FAM133B: variants seen among roughly 807,000 people sequenced by gnomAD.
FAM133B encodes the protein family with sequence similarity 133 member B, also known as protein FAM133B.
In FAM133B, 25 loss-of-function variants were observed where a neutral mutation model predicts 46.4. The observed-to-expected ratio is 0.54, with a 90% CI of 0.39 to 0.75. The LOEUF is 0.75. Among genes scored for constraint, FAM133B ranks in the 30% least tolerant of loss-of-function variants. The pLI, the probability that FAM133B is intolerant of heterozygous loss-of-function variation, is 0.00. For missense variants in FAM133B, 205 were observed against 277.6 expected, an observed-to-expected ratio of 0.74 and a Z score of 1.86; for synonymous variants, 75 against 86.0, an observed-to-expected ratio of 0.87 and a Z score of 0.71.
chr7:92,588,653 G>A (rs1795101969), intron 1 of FAM133B, among the ~76,000 whole-genome samples: 1 of 152,168 alleles, frequency 6.6e-6, no homozygotes, highest in Non-Finnish European at 1.5e-5. Flanking sequence ...CAAATCTCAT[G>A]TCGAATTGTA....
intron 7 of FAM133B, 21 bp downstream of exon 7, chr7:92,577,082 T>C: frequency 1.5e-6 from 2 of 1,355,902 alleles, no homozygotes; most frequent in South Asian, 1.6e-5. Context: ...ATCCAATATA[T>C]TAATAATTTA....
intron 8 of FAM133B, 142 bp from the exon 9 acceptor site, chr7:92,570,057 G>C (rs1049391026): frequency 2.5e-6 from 1 of 399,388 alleles, no homozygotes; most frequent in Non-Finnish European, 4.5e-6. Context: ...ACATTTACCA[G>C]GATTTAAGTC....
In FAM133B at chr7:92,590,321, C is replaced by T. The variant is rs1404968997; in HGVS notation, c.-30G>A. On this transcript the variant is annotated 5_prime_UTR_variant, in exon 1 of 11. Coordinates refer to ENST00000445716, the MANE Select transcript of FAM133B (RefSeq NM_152789.4). ...CTGGATCGAGCGCACAGTAGCACGC[C>T]GAGGGAAACCGGGCCGGAGAGACTG... is the stretch of plus-strand genomic sequence containing the variant. 1 of 1,613,452 alleles carries T rather than the reference C, an allele frequency of 6.2e-7. No individual in the cohort carries two copies.
intron 3 of FAM133B, chr7:92,579,074 CATAACA>C: frequency 2.5e-6 from 1 of 396,556 alleles, no homozygotes. Context: ...TTGTATTCAC[CATAACA>C]ATAACACTTC....
intron 1 of FAM133B, among the ~76,000 whole-genome samples, chr7:92,583,947 G>A (rs1365882611): frequency 6.6e-6 from 1 of 150,774 alleles, no homozygotes; most frequent in Non-Finnish European, 1.5e-5. Flanking sequence ...CTACTCAGGA[G>A]GCTGAGGCAG....
chr7:92,566,122 T>C (rs1460669433), intron 9 of FAM133B, 61 bp from the exon 10 acceptor site: 1 of 1,514,100 alleles, frequency 6.6e-7, no homozygotes, highest in Non-Finnish European at 9.1e-7. Flanking sequence ...ACTCAAGGCA[T>C]TTTTCTTTCA....
At chr7:92,576,020 T>C (rs1337954678) in intron 7 of FAM133B, among the ~76,000 whole-genome samples, 199 bp from the exon 8 acceptor site, 1 of 152,242 alleles carries the variant, frequency 6.6e-6, no homozygotes. Context: ...TTTATCTGGC[T>C]GTATACCAAA....
intron 9 of FAM133B, among the ~76,000 whole-genome samples, chr7:92,568,285 G>T (rs1451157649): frequency 2.0e-5 from 3 of 151,730 alleles, no homozygotes; most frequent in Admixed American, 6.6e-5. Context: ...GTTTTTGAAG[G>T]GCGTATGTAA....
At chr7:92,582,114 T>C (rs1794895364) in intron 1 of FAM133B, among the ~76,000 whole-genome samples, 1 of 152,074 alleles carries the variant, frequency 6.6e-6, no homozygotes, top group South Asian at 2.1e-4. Flanking sequence ...TCAGGTATGG[T>C]GGCACACGCC....
At chr7:92,577,611 A>G in intron 6 of FAM133B, 44 bp downstream of exon 6, 5 of 1,472,218 alleles carry the variant, frequency 3.4e-6, no homozygotes, top group Non-Finnish European at 4.6e-6. Context: ...ACATTAAAGA[A>G]ATTAAGAGAT....
intron 1 of FAM133B, chr7:92,590,000 G>A: frequency 1.8e-6 from 1 of 555,016 alleles, no homozygotes; most frequent in Admixed American, 3.2e-5. Flanking sequence ...CCCGCGTACA[G>A]CAGGCAAGAG....
intron 1 of FAM133B, among the ~76,000 whole-genome samples, chr7:92,586,815 A>G (rs1049126942): frequency 6.6e-6 from 1 of 152,250 alleles, no homozygotes; most frequent in Non-Finnish European, 1.5e-5. Flanking sequence ...TAGAGGTCCC[A>G]AAGTAGCAGA....
chr7:92,582,741 C>T (rs980017961), intron 1 of FAM133B, among the ~76,000 whole-genome samples: 3 of 152,066 alleles, frequency 2.0e-5, no homozygotes, highest in African/African-American at 7.2e-5. Context: ...AAAAAATGTT[C>T]AATATCACTA....
intron 9 of FAM133B, 108 bp downstream of exon 9, chr7:92,569,715 G>C (rs1794472634): frequency 3.7e-6 from 2 of 545,536 alleles, no homozygotes; most frequent in Non-Finnish European, 6.0e-6. Context: ...TTTCATACTA[G>C]AAAGGTGAAT....
intron 8 of FAM133B, among the ~76,000 whole-genome samples, chr7:92,572,734 A>G (rs1392067845): frequency 6.6e-6 from 1 of 152,236 alleles, no homozygotes; most frequent in Non-Finnish European, 1.5e-5. Context: ...ACAAAAAAAC[A>G]AAAAACAGTA....
chr7:92,582,165 C>G (rs1369249119), intron 1 of FAM133B, among the ~76,000 whole-genome samples: 2 of 152,152 alleles, frequency 1.3e-5, no homozygotes, highest in African/African-American at 4.8e-5. Context: ...AGGAGAATCA[C>G]TTGAACCCGG....
chr7:92,584,399 T>G (rs889071785), intron 1 of FAM133B, among the ~76,000 whole-genome samples: 1 of 152,210 alleles, frequency 6.6e-6, no homozygotes, highest in Admixed American at 6.5e-5. Flanking sequence ...TTATAACAGA[T>G]AAAAGTTATA....
intron 1 of FAM133B, among the ~76,000 whole-genome samples, chr7:92,585,820 T>C (rs1052285261): frequency 6.6e-6 from 1 of 152,092 alleles, no homozygotes; most frequent in Non-Finnish European, 1.5e-5. Context: ...AAACAAAAAA[T>C]GTAACTGCGT....
At chr7:92,567,920 T>C (rs1585298500) in intron 9 of FAM133B, among the ~76,000 whole-genome samples, 1 of 151,450 alleles carries the variant, frequency 6.6e-6, no homozygotes, top group Non-Finnish European at 1.5e-5. Context: ...TGTGCCACCA[T>C]GTCTGGCTAA....
Sources: gnomAD v4.1 joint callset for allele counts (sites outside exome capture counted in the v4.1 genomes callset) on GRCh38, gnomAD v4.1.1 for gene constraint, MANE v1.5 for transcripts, NCBI Gene and HGNC (gene_info 2026-07-23, HGNC 2026-07-21) for gene names.